The following PHC2 variants were observed in gnomAD, a reference collection of about 807,000 sequenced individuals.
PHC2 encodes the protein polyhomeotic-like protein 2.
A neutral mutation model predicts 87.4 loss-of-function variants in PHC2; 29 were observed. The observed-to-expected ratio is 0.33, with a 90% CI of 0.25 to 0.45. PHC2 has a LOEUF of 0.45. PHC2 is among the 20% of genes least tolerant of loss of function. The pLI, the probability that PHC2 is intolerant of heterozygous loss-of-function variation, is 1.00. For missense variants in PHC2, 857 were observed against 1,136.7 expected, an observed-to-expected ratio of 0.75 and a Z score of 3.54; for synonymous variants, 438 against 461.7, an observed-to-expected ratio of 0.95 and a Z score of 0.66.
rs1646511504 is a variant in PHC2 at position 33,332,077 on chromosome 1, G to A, written c.1891+198C>T. On this transcript the variant is annotated intron_variant, in intron 11 of 14. Coordinates refer to ENST00000683057, the MANE Select transcript of PHC2 (RefSeq NM_001385109.1). The surrounding 1 kb of genome is among the most constrained non-coding windows in gnomAD (Gnocchi z 4.2). ...CCTGTGGTTGGCTGGAGGGGGATTG[G>A]GGGAGCAGAGGACACATGGTTCCCG... Among the ~76,000 whole-genome samples, 1 of 152,248 alleles carries A rather than the reference G, an allele frequency of 6.6e-6. No individual in the cohort carries two copies. The highest frequency in any genetic ancestry group is 1.5e-5 in the Non-Finnish European group (1 of 68,052).
chr1:33,392,167 G>GCAAA (rs1553188854), intron 1 of PHC2, among the ~76,000 whole-genome samples: 18 of 150,250 alleles, frequency 1.2e-4, no homozygotes, highest in African/African-American at 3.9e-4. Flanking sequence ...ACACATACGT[G>GCAAA]CACACACACA....
chr1:33,377,027 C>T (rs1648219900), intron 1 of PHC2, among the ~76,000 whole-genome samples: 1 of 152,168 alleles, frequency 6.6e-6, no homozygotes, highest in Admixed American at 6.5e-5. Flanking sequence ...ACTGAGTGCC[C>T]TCTGGATCTA....
chr1:33,372,978 G>A (rs1647949680), intron 2 of PHC2, among the ~76,000 whole-genome samples: 1 of 152,236 alleles, frequency 6.6e-6, no homozygotes, highest in South Asian at 2.1e-4. Flanking sequence ...TCCTTCTTGA[G>A]GCTGGGGCTG....
intron 1 of PHC2, among the ~76,000 whole-genome samples, chr1:33,395,053 G>A (rs900822717): frequency 1.3e-5 from 2 of 152,170 alleles, no homozygotes; most frequent in Non-Finnish European, 2.9e-5. Flanking sequence ...GTTCATAGCA[G>A]CTTCATTCAT....
chr1:33,326,219 C>T (rs1043025895), intron 14 of PHC2: 3 of 175,788 alleles, frequency 1.7e-5, no homozygotes, highest in South Asian at 1.0e-4. Context: ...ATAAAGGAAC[C>T]GGGATCTGCC....
In PHC2 at chr1:33,332,917, A is replaced by G. The variant is rs1292579739; in HGVS notation, c.1762-513T>C. On this transcript the variant is annotated intron_variant, in intron 10 of 14. Coordinates refer to ENST00000683057, the MANE Select transcript of PHC2 (RefSeq NM_001385109.1). The surrounding 1 kb of genome is among the most constrained non-coding windows in gnomAD (Gnocchi z 4.2). Reference sequence around the variant, plus strand: ...GGAAAAAACAGACCCTGGGCCACAGAGCCAATGAACTCTCAGTTGTCAGAA... The same window carrying G: ...GGAAAAAACAGACCCTGGGCCACAGGGCCAATGAACTCTCAGTTGTCAGAA... 6.6e-6 allele frequency among the ~76,000 whole-genome samples: 1 copy of G among 152,166 alleles called. No homozygotes were observed.
chr1:33,370,321 T>G, intron 5 of PHC2, 100 bp downstream of exon 5: 2 of 885,968 alleles, frequency 2.3e-6, no homozygotes, highest in Non-Finnish European at 3.4e-6. Context: ...CCCCTGCCCC[T>G]AGTGCTTCCT....
chr1:33,416,781 C>T (rs1650229030), intron 1 of PHC2, among the ~76,000 whole-genome samples: 1 of 151,710 alleles, frequency 6.6e-6, no homozygotes, highest in African/African-American at 2.4e-5. Flanking sequence ...TATAACTGCA[C>T]TATCAAAAAT....
At chr1:33,399,203 A>T (rs968233751) in intron 1 of PHC2, among the ~76,000 whole-genome samples, 1 of 152,102 alleles carries the variant, frequency 6.6e-6, no homozygotes, top group Non-Finnish European at 1.5e-5. Context: ...CCTTGTCTTT[A>T]AAGCAGAAAG....
At chr1:33,418,747 C>A (rs765772384) in intron 1 of PHC2, among the ~76,000 whole-genome samples, 11 of 152,120 alleles carry the variant, frequency 7.2e-5, no homozygotes, top group African/African-American at 1.2e-4. Flanking sequence ...TTCATGAGGC[C>A]AGAATTACCC....
At chr1:33,336,887 C>A (rs990624924) in intron 9 of PHC2, 3 of 152,232 alleles carry the variant, frequency 2.0e-5, no homozygotes, top group African/African-American at 4.8e-5. Context: ...GTAGAAAAAA[C>A]CCCTTTCCCT....
At chr1:33,402,001 T>A (rs1042721556) in intron 1 of PHC2, among the ~76,000 whole-genome samples, 2 of 152,164 alleles carry the variant, frequency 1.3e-5, no homozygotes, top group Admixed American at 6.5e-5. Flanking sequence ...AGAAAAAATT[T>A]ATGTTCGTCA....
At chr1:33,430,373 C>T (rs1031412382) in intron 1 of PHC2, among the ~76,000 whole-genome samples, 1 of 152,214 alleles carries the variant, frequency 6.6e-6, no homozygotes, top group Admixed American at 6.5e-5. Flanking sequence ...GTTCCAGCAA[C>T]CCCCGGTTCC....
intron 9 of PHC2, chr1:33,336,797 A>G (rs1203309994): frequency 6.6e-6 from 1 of 152,270 alleles, no homozygotes; most frequent in Non-Finnish European, 1.5e-5. Flanking sequence ...GTAGCCAGCC[A>G]GATCAGCGGA....
rs1164860261 is a variant in PHC2, at chr1:33,372,310, C to G, written c.312G>C (p.Gln104His). The stretch of plus-strand genomic sequence containing the variant: ...TCACCTGCTGTACGGCTGCCAGGCT[C>G]TGGAGCTGGGCGCTGCTGAGGTGCT... The part of the protein sequence containing the change: ...QQQHLSSAQL[Q>H]SLAAVQQASL... Residue 104 changes from glutamine (Q) to histidine (H), a missense_variant, in exon 3 of 15, where the codon CAG becomes CAC. By Grantham distance (24) the Gln-to-His change is conservative. Around this residue, in one of 3 missense-constraint regions of PHC2, gnomAD observed 832 missense variants for 1,081.8 expected, o/e 0.77. Coordinates refer to ENST00000683057, the MANE Select transcript of PHC2 (RefSeq NM_001385109.1). 1.9e-6 allele frequency: 3 copies of G among 1,584,016 alleles called. No individual in the cohort carries two copies. Among genetic ancestry groups the G allele is most frequent in the African/African-American group, 1.3e-5 (1 of 74,084 alleles).
In PHC2 at chr1:33,355,052, G is replaced by C; in HGVS notation, c.1178C>G (p.Ala393Gly). Residue 393 changes from alanine to glycine, a missense_variant, in exon 8 of 15, where the codon GCC (alanine) becomes GGC (glycine). Transcript: ENST00000683057. ...PSVALQPSSE[A>G]HAMPLGPVTP... ...AACCGGGCCTAGTGGCATGGCATGG[G>C]CCTCTGAGCTGGGCTGGAGGGCCAC... is the stretch of plus-strand genomic sequence containing the variant. 1 of 1,613,588 alleles carries C rather than the reference G, an allele frequency of 6.2e-7. No individual in the cohort carries two copies. Among genetic ancestry groups the C allele is most frequent in the African/African-American group, 1.3e-5 (1 of 75,058 alleles).
chr1:33,427,958 T>C (rs1256182664), intron 1 of PHC2, among the ~76,000 whole-genome samples: 2 of 152,238 alleles, frequency 1.3e-5, no homozygotes, highest in Non-Finnish European at 2.9e-5. Flanking sequence ...ATTTCTATGC[T>C]GTTACCAGCA....
chr1:33,349,100 G>T lies in PHC2; in HGVS notation c.1558+5301C>A. ...AGAAAACGCTCTTCTAAAAATGGAA[G>T]AAAAGACACAGAACAGCTTGTCCCT... On this transcript the variant is annotated intron_variant, in intron 9 of 14. Transcript: ENST00000683057. This position sits in a 1 kb window ranked among gnomAD's most constrained non-coding sequence, Gnocchi z 4.2. 2.0e-6 allele frequency: 2 copies of T among 985,402 alleles called. No individual in the cohort carries two copies. Among genetic ancestry groups the T allele is most frequent in the Non-Finnish European group, 2.4e-6 (2 of 829,882 alleles). 61.0% of individuals were successfully genotyped at this position (985,402 alleles called of 1,614,324 possible). A position where few individuals can be genotyped will look rare whatever the true frequency, so the allele number is the denominator to read the frequency against.
chr1:33,426,375 C>T (rs1413982963), intron 1 of PHC2, among the ~76,000 whole-genome samples: 2 of 151,960 alleles, frequency 1.3e-5, no homozygotes, highest in African/African-American at 4.8e-5. Flanking sequence ...TAAAAAGGCA[C>T]CAGATGAGGG....
Sources: gnomAD v4.1 joint callset for allele counts (sites outside exome capture counted in the v4.1 genomes callset) on GRCh38, gnomAD v4.1.1 for gene constraint, gnomAD v4.1.1 regional missense constraint, Gnocchi (gnomAD v3.1) non-coding constraint, MANE v1.5 for transcripts, NCBI Gene and HGNC (gene_info 2026-07-23, HGNC 2026-07-21) for gene names.